The following TLCD3B variants were observed in gnomAD, a reference collection of about 807,000 sequenced individuals.
TLCD3B encodes ceramide synthase.
TLCD3B carries 9 observed loss-of-function variants against 23.0 expected under a neutral mutation model. The observed-to-expected ratio is 0.39, with a 90% CI of 0.24 to 0.68. The LOEUF (loss-of-function observed/expected upper bound fraction) is 0.68. Among genes scored for constraint, TLCD3B ranks in the 30% least tolerant of loss-of-function variants. The pLI, the probability that TLCD3B is intolerant of heterozygous loss-of-function variation, is 0.44. For synonymous variants in TLCD3B, 161 were observed against 161.0 expected (o/e 1.00, Z 0.00); for missense variants, 307 against 371.8 (o/e 0.83, Z 1.43).
At chr16:30,039,342 C>T (rs566677491) in intron 3 of TLCD3B, among the ~76,000 whole-genome samples, 4 of 151,878 alleles carry the variant, frequency 2.6e-5, no homozygotes, top group Non-Finnish European at 5.9e-5. Flanking sequence ...AGGCTGGTCT[C>T]GAACTCCTGA....
In TLCD3B at chr16:30,047,753, G is replaced by A. The variant is rs1021271175; in HGVS notation, c.-293-1366C>T. On this transcript the variant is annotated intron_variant, in intron 1 of 6. Transcript: ENST00000561666. ...GGATTACAGGTGTGAGCCACTGTAC[G>A]TGGCCTATAATTTTTTTTTTTTTTG... 4.7e-5 allele frequency among the ~76,000 whole-genome samples: 7 copies of A among 147,676 alleles called. No individual in the cohort carries two copies. The South Asian group carries it at 8.7e-4, about 18-fold the overall frequency.
At position 30,025,810 on chromosome 16, in the gene TLCD3B, CT is replaced by C. The variant is rs761337661; in HGVS notation, c.455del (p.Gln152ArgfsTer12). The C allele has an allele frequency of 6.2e-7, 1 of 1,613,872 alleles. No individual in the cohort carries two copies. The highest frequency in any genetic ancestry group is 1.1e-5 in the South Asian group (1 of 91,074). ...VCFPLSVVWR[Q>X]GKGDFFLGCM... ...AACCCAGAAAGAAGTCTCCCTTACC[CT>C]GTCGCCACACCTGGGCACAGAGGCA... On this transcript the variant is annotated frameshift_variant, in exon 4 of 5. Transcript: ENST00000380495. LOFTEE classifies it high-confidence loss of function. This position sits in a 1 kb window ranked among gnomAD's most constrained non-coding sequence, Gnocchi z 4.1.
intron 2 of TLCD3B, among the ~76,000 whole-genome samples, chr16:30,042,897 G>A (rs927415671): frequency 6.6e-6 from 1 of 151,980 alleles, no homozygotes; most frequent in Non-Finnish European, 1.5e-5. Context: ...AGGAGTTTGA[G>A]ACCAGCCTGA....
chr16:30,052,571 C>T (rs1285978181), intron 1 of TLCD3B, among the ~76,000 whole-genome samples: 1 of 151,706 alleles, frequency 6.6e-6, no homozygotes, highest in Non-Finnish European at 1.5e-5. Context: ...GTAGTGCGCG[C>T]CTGTAATCCC....
At chr16:30,038,340 A>T (rs1171442128) in intron 3 of TLCD3B, among the ~76,000 whole-genome samples, 2 of 152,122 alleles carry the variant, frequency 1.3e-5, no homozygotes, top group Non-Finnish European at 2.9e-5. Context: ...TAGTACCAGC[A>T]CTTTGGGAGG....
chr16:30,028,099 A>G (rs892938373), intron 2 of TLCD3B, among the ~76,000 whole-genome samples: 2 of 152,226 alleles, frequency 1.3e-5, no homozygotes, highest in Non-Finnish European at 2.9e-5. Context: ...GCGGGAACAC[A>G]GGGAGAGAGG....
Position 30,029,771 on chromosome 16 carries a change from C to T in TLCD3B, c.126-256G>A, listed in dbSNP as rs1349740271. Reference sequence around the variant, plus strand: ...CTTCTTCCTTCCCCATTTGTGGAAACTGAGTCTCCCTCTTCTCAAGCCCGC... The same window carrying T: ...CTTCTTCCTTCCCCATTTGTGGAAATTGAGTCTCCCTCTTCTCAAGCCCGC... On this transcript the variant is annotated intron_variant, in intron 1 of 4. Transcript: ENST00000380495. The surrounding 1 kb of genome is among the most constrained non-coding windows in gnomAD (Gnocchi z 4.6). Among the ~76,000 whole-genome samples, 2 of 152,206 alleles carry T rather than the reference C, an allele frequency of 1.3e-5. No homozygotes were observed. The highest frequency in any genetic ancestry group is 2.9e-5 in the Non-Finnish European group (2 of 68,022).
At chr16:30,032,319 G>C (rs2071379982), upstream of TLCD3B, among the ~76,000 whole-genome samples, 1 of 152,146 alleles carries the variant, frequency 6.6e-6, no homozygotes, top group African/African-American at 2.4e-5. Context: ...AAGTTCAATA[G>C]TCAACCCTAT....
In TLCD3B at chr16:30,024,757, C is replaced by T. The variant is rs982506064; in HGVS notation, c.*426G>A. 3 of 193,528 alleles carry T rather than the reference C, an allele frequency of 1.6e-5. No homozygotes were observed. The highest frequency in any genetic ancestry group is 2.3e-5 in the African/African-American group (1 of 42,712). 12.0% of individuals were successfully genotyped at this position (193,528 alleles called of 1,614,324 possible). On this transcript the variant is annotated 3_prime_UTR_variant, in exon 5 of 5. Transcript: ENST00000380495. ...GTTGCAGCCGGCCACTCGGGAGGCC[C>T]GAGGGCCAGCGGGGGTTAGTTGGGG...
chr16:30,040,147 A>AAATATATATATATATATATATATATATAT, intron 3 of TLCD3B, among the ~76,000 whole-genome samples: 1 of 95,898 alleles, frequency 1.0e-5, no homozygotes. Context: ...AAAAAAAAAA[A>AAATATATATATATATATATATATATATAT]ATATATATAT....
intron 1 of TLCD3B, 40 bp downstream of exon 1, chr16:30,030,363 A>G: frequency 6.6e-7 from 1 of 1,513,570 alleles, no homozygotes; most frequent in Non-Finnish European, 8.9e-7. Flanking sequence ...TGAGAAGCCC[A>G]AGAAGCAGAC....
intron 1 of TLCD3B, chr16:30,030,159 G>A (rs2071310475): frequency 1.4e-6 from 2 of 1,476,654 alleles, no homozygotes; most frequent in Admixed American, 2.0e-5. Context: ...GTGGGAGGGT[G>A]TACGGGGAAG....
chr16:30,037,780 G>A (rs1240445785), intron 3 of TLCD3B, among the ~76,000 whole-genome samples: 1 of 152,136 alleles, frequency 6.6e-6, no homozygotes, highest in Non-Finnish European at 1.5e-5. Flanking sequence ...AAAAGGCGGT[G>A]TAGGATAAAA....
At chr16:30,040,305 C>T (rs2150993197) in intron 3 of TLCD3B, among the ~76,000 whole-genome samples, 1 of 151,910 alleles carries the variant, frequency 6.6e-6, no homozygotes, top group East Asian at 1.9e-4. Context: ...AGCCAGTAGC[C>T]AGTTACTGTC....
At chr16:30,049,061 G>A (rs2151000090) in intron 1 of TLCD3B, among the ~76,000 whole-genome samples, 1 of 152,218 alleles carries the variant, frequency 6.6e-6, no homozygotes, top group South Asian at 2.1e-4. Flanking sequence ...GTGAGCCACT[G>A]CACTGGCCTA....
At chr16:30,039,797 C>G (rs1200229238) in intron 3 of TLCD3B, among the ~76,000 whole-genome samples, 1 of 151,568 alleles carries the variant, frequency 6.6e-6, no homozygotes, top group Non-Finnish European at 1.5e-5. Flanking sequence ...TCTTTAGCTA[C>G]TTTATTTTCT....
intron 1 of TLCD3B, among the ~76,000 whole-genome samples, chr16:30,048,003 G>T (rs763548986): frequency 2.0e-5 from 3 of 151,804 alleles, no homozygotes; most frequent in Non-Finnish European, 2.9e-5. Flanking sequence ...TTAGCTGGGC[G>T]TGGTGGCGGG....
At chr16:30,037,376 A>G (rs1215704451) in intron 3 of TLCD3B, among the ~76,000 whole-genome samples, 1 of 151,776 alleles carries the variant, frequency 6.6e-6, no homozygotes, top group Non-Finnish European at 1.5e-5. Flanking sequence ...CCCTGTCTCT[A>G]TTAAAAATAC....
At position 30,025,320 on chromosome 16, in the gene TLCD3B, T is replaced by A. The variant is rs2071068199; in HGVS notation, c.688A>T (p.Ile230Phe). Reference sequence around the variant, plus strand: ...GCGCCCAGGTTGACGTGGGCAGGGATGGCCAGGGGCACGGCCAGCAGGGGC... The same window carrying A: ...GCGCCCAGGTTGACGTGGGCAGGGAAGGCCAGGGGCACGGCCAGCAGGGGC... ...GLPLLAVPLA[I>F]PAHVNLGAAL... Residue 230 changes from isoleucine to phenylalanine, a missense_variant, in exon 5 of 5, where the codon ATC becomes TTC. By Grantham distance (21) the Ile-to-Phe change is conservative. Transcript: ENST00000380495. The surrounding 1 kb of genome is among the most constrained non-coding windows in gnomAD (Gnocchi z 4.1). 4 of 1,570,350 alleles carry A rather than the reference T, an allele frequency of 2.5e-6. No individual in the cohort carries two copies. The highest frequency in any genetic ancestry group is 3.5e-6 in the Non-Finnish European group (4 of 1,157,012).
Sources: gnomAD v4.1 joint callset for allele counts (sites outside exome capture counted in the v4.1 genomes callset) on GRCh38, gnomAD v4.1.1 for gene constraint, Gnocchi (gnomAD v3.1) non-coding constraint, MANE v1.5 for transcripts, NCBI Gene and HGNC (gene_info 2026-07-23, HGNC 2026-07-21) for gene names.